The following ACCSL variants were observed in gnomAD, a reference collection of about 807,000 sequenced individuals.
ACCSL encodes probable inactive 1-aminocyclopropane-1-carboxylate synthase-like protein 2.
A neutral mutation model predicts 61.7 loss-of-function variants in ACCSL; 55 were observed. The observed-to-expected ratio is 0.89, with a 90% CI of 0.72 to 1.12. ACCSL has a LOEUF of 1.12. ACCSL is among the 50% of genes most tolerant of loss of function. The pLI is 0.00. For synonymous variants in ACCSL, 258 were observed against 264.3 expected (o/e 0.98, Z 0.23); for missense variants, 632 against 698.0 (o/e 0.91, Z 1.07).
chr11:44,006,923 G>A, the ACCSL span, among the ~76,000 whole-genome samples: 1 of 152,172 alleles, frequency 6.6e-6, no homozygotes, highest in Non-Finnish European at 1.5e-5. Context: ...CCTCCCCGCG[G>A]TTGGACATTC....
the ACCSL span, among the ~76,000 whole-genome samples, chr11:44,038,239 C>T: frequency 6.6e-6 from 1 of 151,960 alleles, no homozygotes; most frequent in African/African-American, 2.4e-5. Flanking sequence ...TGAGCAAAGC[C>T]TTGAAGGAGA....
chr11:43,988,714 A>T, the ACCSL span, among the ~76,000 whole-genome samples: 1 of 151,860 alleles, frequency 6.6e-6, no homozygotes, highest in Non-Finnish European at 1.5e-5. Flanking sequence ...TTAGGAAGAA[A>T]CAGGCTGCAG....
the ACCSL span, among the ~76,000 whole-genome samples, chr11:44,034,212 G>A: frequency 6.6e-6 from 1 of 152,232 alleles, no homozygotes; most frequent in Non-Finnish European, 1.5e-5. Context: ...ATCTGGGACT[G>A]TGGGTCTTCA....
At chr11:44,049,005 G>A (rs746231469) in intron 1 of ACCSL, among the ~76,000 whole-genome samples, 9 of 152,186 alleles carry the variant, frequency 5.9e-5, no homozygotes, top group South Asian at 4.1e-4. Context: ...AACAGCACAC[G>A]TGAAACCTTC....
At chr11:43,977,376 G>A in the ACCSL span, among the ~76,000 whole-genome samples, 1 of 152,192 alleles carries the variant, frequency 6.6e-6, no homozygotes, top group Non-Finnish European at 1.5e-5. Flanking sequence ...TCTTTAAATG[G>A]GGATGAGAAG....
chr11:43,968,532 A>C, the ACCSL span, among the ~76,000 whole-genome samples: 93 of 152,330 alleles, frequency 6.1e-4, no homozygotes, highest in African/African-American at 2.1e-3. Context: ...GGAAAAGAAG[A>C]AGATATTTGC....
the ACCSL span, among the ~76,000 whole-genome samples, chr11:44,031,133 T>TA: frequency 6.6e-6 from 1 of 152,222 alleles, no homozygotes; most frequent in African/African-American, 2.4e-5. Flanking sequence ...ATGTCCTCCG[T>TA]AAAATGGGAA....
chr11:43,943,441 C>G, the ACCSL span: 1 of 1,433,684 alleles, frequency 7.0e-7, no homozygotes, highest in Non-Finnish European at 9.3e-7. This position sits in a 1 kb window ranked among gnomAD's most constrained non-coding sequence, Gnocchi z 4.8. Flanking sequence ...CGGTGCGCCC[C>G]TCGCCGCGCT....
chr11:43,996,704 C>T, the ACCSL span, among the ~76,000 whole-genome samples: 1 of 152,178 alleles, frequency 6.6e-6, no homozygotes, highest in Non-Finnish European at 1.5e-5. Context: ...AAGCTTGGAA[C>T]CTCATTCCAG....
At chr11:43,960,984 AT>A in the ACCSL span, among the ~76,000 whole-genome samples, 27 of 151,134 alleles carry the variant, frequency 1.8e-4, no homozygotes, top group Non-Finnish European at 3.4e-4. Flanking sequence ...ACACTTGGTG[AT>A]TTTTTTTGTA....
the ACCSL span, among the ~76,000 whole-genome samples, chr11:43,993,705 C>T: frequency 1.3e-5 from 2 of 152,164 alleles, no homozygotes; most frequent in African/African-American, 4.8e-5. Flanking sequence ...CTGCCTGCCC[C>T]CTTCTGTGCA....
upstream of ACCSL, among the ~76,000 whole-genome samples, chr11:44,047,131 G>A (rs79208103): frequency 2.0e-5 from 3 of 152,188 alleles, no homozygotes; most frequent in Admixed American, 6.5e-5. Context: ...AAATTCAGGG[G>A]TGAGGTCTCA....
the ACCSL span, among the ~76,000 whole-genome samples, chr11:43,936,983 G>A: frequency 7.9e-5 from 12 of 152,228 alleles, no homozygotes; most frequent in South Asian, 2.1e-4. Context: ...TATGAAGCAC[G>A]CACCCTCTTT....
chr11:44,027,162 A>G, the ACCSL span, among the ~76,000 whole-genome samples: 1 of 152,192 alleles, frequency 6.6e-6, no homozygotes, highest in South Asian at 2.1e-4. Flanking sequence ...GCCTTTGCCA[A>G]GAGGTATTTT....
At chr11:43,993,819 C>G in the ACCSL span, among the ~76,000 whole-genome samples, 42,733 of 152,064 alleles carry the variant, frequency 0.28, 6,574 homozygotes, top group South Asian at 0.36. Context: ...GGAACTCAGT[C>G]GGGGCATTTT....
At chr11:43,997,395 G>A in the ACCSL span, among the ~76,000 whole-genome samples, 2 of 152,132 alleles carry the variant, frequency 1.3e-5, no homozygotes, top group Admixed American at 6.5e-5. Flanking sequence ...GCTTCTGCAC[G>A]TATATCAGGT....
the ACCSL span, among the ~76,000 whole-genome samples, chr11:44,028,216 T>A: frequency 6.6e-6 from 1 of 152,048 alleles, no homozygotes; most frequent in South Asian, 2.1e-4. Flanking sequence ...AAGTAAGATA[T>A]GGTGCAGGTG....
chr11:44,023,885 TG>T, the ACCSL span, among the ~76,000 whole-genome samples: 1 of 152,236 alleles, frequency 6.6e-6, no homozygotes, highest in Non-Finnish European at 1.5e-5. Flanking sequence ...TACTTTCCCC[TG>T]TAATTTATTA....
chr11:44,010,184 T>C, the ACCSL span, among the ~76,000 whole-genome samples: 1 of 152,004 alleles, frequency 6.6e-6, no homozygotes, highest in Non-Finnish European at 1.5e-5. Flanking sequence ...CTACTAAAAA[T>C]ACAAAATTAG....
Sources: allele counts gnomAD v4.1 joint callset (sites outside exome capture counted in the v4.1 genomes callset), GRCh38; gene constraint gnomAD v4.1.1; non-coding constraint Gnocchi (gnomAD v3.1); transcripts MANE v1.5; gene names NCBI Gene and HGNC (gene_info 2026-07-23, HGNC 2026-07-21).